Variants in FBXO28 observed in about 807,000 individuals in gnomAD.
The protein encoded by FBXO28 is F-box only protein 28.
In FBXO28, 8 loss-of-function variants were observed where a neutral mutation model predicts 38.1. That is an observed-to-expected ratio of 0.21 (90% CI 0.12 to 0.38). The LOEUF (loss-of-function observed/expected upper bound fraction) is 0.38, where lower values mean the gene tolerates loss of function less well. Ranked by LOEUF, FBXO28 falls within the 10% of genes least tolerant of loss-of-function variation. The pLI is 1.00. For synonymous variants in FBXO28, 168 were observed against 173.8 expected (o/e 0.97, Z 0.26); for missense variants, 345 against 460.6 (o/e 0.75, Z 2.30).
At chr1:224,117,706 A>G (rs1334777448) in intron 1 of FBXO28, among the ~76,000 whole-genome samples, 1 of 152,170 alleles carries the variant, frequency 6.6e-6, no homozygotes, top group Non-Finnish European at 1.5e-5. Context: ...GCAAAGGTTA[A>G]GAAGTGAGAT....
intron 3 of FBXO28, among the ~76,000 whole-genome samples, chr1:224,135,051 C>T (rs1657141412): frequency 6.6e-6 from 1 of 152,142 alleles, no homozygotes. Flanking sequence ...TGGGGGGAAT[C>T]CCATTTCTTA....
At chr1:224,122,976 G>A (rs758027264) in intron 1 of FBXO28, among the ~76,000 whole-genome samples, 1 of 151,976 alleles carries the variant, frequency 6.6e-6, no homozygotes, top group South Asian at 2.1e-4. Context: ...GTTTAAAATG[G>A]CACAAATTAG....
chr1:224,138,177 G>A lies in FBXO28; in HGVS notation c.516+3965G>A, dbSNP rs549542568. On this transcript the variant is annotated intron_variant, in intron 3 of 4. Coordinates refer to ENST00000366862, the MANE Select transcript of FBXO28 (RefSeq NM_015176.4). ...TGGGAGGCAGAGGTTGCAGTGAGCC[G>A]AGATCACACTGGTGCACTCCAGCCT... Among the ~76,000 whole-genome samples the A allele has an allele frequency of 4.6e-5, 7 of 151,244 alleles. 1 individual carries two copies. Among genetic ancestry groups the A allele is most frequent in the Admixed American group, 2.0e-4 (3 of 15,200 alleles).
At chr1:224,125,657 T>TC (rs1411403711) in intron 1 of FBXO28, among the ~76,000 whole-genome samples, 1 of 151,512 alleles carries the variant, frequency 6.6e-6, no homozygotes, top group Non-Finnish European at 1.5e-5. Flanking sequence ...TTTTTTTTTT[T>TC]CTGACACGGA....
chr1:224,122,126 T>A (rs1227192955), intron 1 of FBXO28, among the ~76,000 whole-genome samples: 1 of 152,154 alleles, frequency 6.6e-6, no homozygotes, highest in Non-Finnish European at 1.5e-5. Context: ...GGTGGGAAGT[T>A]GTATCCATAT....
intron 1 of FBXO28, among the ~76,000 whole-genome samples, chr1:224,115,762 A>G (rs2035897): frequency 0.93 from 141,094 of 152,286 alleles, 66,208 homozygotes; most frequent in Non-Finnish European, 1. Flanking sequence ...GTACATATAC[A>G]GTGTTTGGAA....
At chr1:224,125,384 T>C (rs1364434806) in intron 1 of FBXO28, among the ~76,000 whole-genome samples, 2 of 152,192 alleles carry the variant, frequency 1.3e-5, no homozygotes, top group Non-Finnish European at 2.9e-5. Context: ...CAGCTTTTAA[T>C]TATAAATGTC....
intron 4 of FBXO28, among the ~76,000 whole-genome samples, chr1:224,154,004 G>A (rs780987576): frequency 3.3e-5 from 5 of 152,080 alleles, no homozygotes; most frequent in African/African-American, 9.7e-5. Context: ...AGACTGAGGC[G>A]GGAGGATCGT....
chr1:224,120,863 CAAAAA>C (rs5781347), intron 1 of FBXO28, among the ~76,000 whole-genome samples: 8 of 118,968 alleles, frequency 6.7e-5, no homozygotes, highest in East Asian at 2.4e-4. Context: ...AACTCCATCT[CAAAAA>C]AAAAAAAAAA....
chr1:224,126,707 G>A (rs892507329), intron 1 of FBXO28, among the ~76,000 whole-genome samples: 1 of 152,164 alleles, frequency 6.6e-6, no homozygotes, highest in East Asian at 1.9e-4. Flanking sequence ...CTACTTGGGA[G>A]GCTGAGGCAG....
intron 1 of FBXO28, among the ~76,000 whole-genome samples, chr1:224,119,743 C>G (rs1656729981): frequency 6.6e-6 from 1 of 151,876 alleles, no homozygotes; most frequent in Non-Finnish European, 1.5e-5. Flanking sequence ...AGTTTTTATC[C>G]AGTTAATAAA....
At chr1:224,129,935 A>C (rs549314367) in intron 1 of FBXO28, among the ~76,000 whole-genome samples, 1 of 152,060 alleles carries the variant, frequency 6.6e-6, no homozygotes, top group African/African-American at 2.4e-5. Flanking sequence ...GCTTGCAGTG[A>C]GCTAAGATCG....
chr1:224,115,559 A>AT (rs527467518), intron 1 of FBXO28, among the ~76,000 whole-genome samples: 2 of 152,158 alleles, frequency 1.3e-5, no homozygotes, highest in Admixed American at 6.6e-5. Flanking sequence ...CTGATGGCCA[A>AT]TTTTTTTTCT....
chr1:224,119,156 C>CTTTTT (rs1558185921), intron 1 of FBXO28, among the ~76,000 whole-genome samples: 1 of 12,694 alleles, frequency 7.9e-5, no homozygotes. Flanking sequence ...TTTTTTTTGA[C>CTTTTT]GGAATCTCGC....
chr1:224,153,575 T>C (rs1348119563), intron 4 of FBXO28, among the ~76,000 whole-genome samples: 1 of 152,210 alleles, frequency 6.6e-6, no homozygotes, highest in East Asian at 1.9e-4. Context: ...GTCTTGCGAC[T>C]AAATCTTTGC....
Position 224,161,918 on chromosome 1 carries a change from T to G in FBXO28, c.*4172T>G, listed in dbSNP as rs576877276. 1 of 152,324 alleles carries G rather than the reference T, an allele frequency of 6.6e-6. No individual in the cohort carries two copies. Among genetic ancestry groups the G allele is most frequent in the East Asian group, 1.9e-4 (1 of 5,190 alleles). The allele number at this position is 152,324 out of a possible 1,614,324, so 9.4% of individuals were successfully genotyped here. ...GGTACCATGTCTGTTTACCTATGCT[T>G]ATGAGCAACAATAAATTACTAGTTT... On this transcript the variant is annotated 3_prime_UTR_variant, in exon 5 of 5. Coordinates refer to ENST00000366862, the MANE Select transcript of FBXO28 (RefSeq NM_015176.4).
rs965809411 is a variant in FBXO28 at position 224,158,958 on chromosome 1, A to G, written c.*1212A>G. ...AAGCTTTAATTTTGTTTGCACTCCT[A>G]TTTTGAGCTTGTAACTGGAAAAGCA... On this transcript the variant is annotated 3_prime_UTR_variant, in exon 5 of 5. Coordinates refer to ENST00000366862, the MANE Select transcript of FBXO28 (RefSeq NM_015176.4). 2 of 152,534 alleles carry G rather than the reference A, an allele frequency of 1.3e-5. No individual in the cohort carries two copies. The highest frequency in any genetic ancestry group is 2.4e-5 in the African/African-American group (1 of 41,438). 9.4% of individuals were successfully genotyped at this position (152,534 alleles called of 1,614,324 possible).
At chr1:224,142,216 G>A (rs1052008227) in intron 3 of FBXO28, among the ~76,000 whole-genome samples, 1 of 151,866 alleles carries the variant, frequency 6.6e-6, no homozygotes, top group South Asian at 2.1e-4. Flanking sequence ...GCCAGGCGTG[G>A]TGGCGTGCAC....
At chr1:224,153,735 A>G (rs1036866586) in intron 4 of FBXO28, among the ~76,000 whole-genome samples, 2 of 151,814 alleles carry the variant, frequency 1.3e-5, no homozygotes, top group Non-Finnish European at 2.9e-5. Context: ...ACCCTGGCCA[A>G]CATGGTGAAA....
Sources: allele counts gnomAD v4.1 joint callset (sites outside exome capture counted in the v4.1 genomes callset), GRCh38; gene constraint gnomAD v4.1.1; transcripts MANE v1.5; gene names NCBI Gene and HGNC (gene_info 2026-07-23, HGNC 2026-07-21).